The following PIK3C3 variants were observed in gnomAD, a reference collection of about 807,000 sequenced individuals.
PIK3C3 encodes PI3-kinase type 3.
PIK3C3 carries 95 observed loss-of-function variants against 126.1 expected under a neutral mutation model. The observed-to-expected ratio is 0.75, with a 90% confidence interval of 0.64 to 0.89. The LOEUF (loss-of-function observed/expected upper bound fraction) is 0.89, where lower values mean the gene tolerates loss of function less well. PIK3C3 is among the 40% of genes least tolerant of loss of function. PIK3C3 has a pLI of 0.00. For synonymous variants in PIK3C3, 374 were observed against 360.0 expected, an observed-to-expected ratio of 1.04 and a Z score of -0.44; for missense variants, 829 against 1,063.2, an observed-to-expected ratio of 0.78 and a Z score of 3.06.
intron 24 of PIK3C3, among the ~76,000 whole-genome samples, chr18:42,076,151 T>TATGCAC (rs1986005919): frequency 2.9e-5 from 3 of 103,778 alleles, no homozygotes; most frequent in African/African-American, 1.7e-4. Context: ...TATGCGCATA[T>TATGCAC]ATATATATAT....
chr18:41,960,394 T>C (rs953518067), intron 2 of PIK3C3, among the ~76,000 whole-genome samples: 1 of 151,702 alleles, frequency 6.6e-6, no homozygotes, highest in African/African-American at 2.4e-5. Context: ...AAAATGGCTT[T>C]AGAGAGACAT....
chr18:42,034,039 A>G, intron 16 of PIK3C3, 82 bp downstream of exon 16: 1 of 906,880 alleles, frequency 1.1e-6, no homozygotes, highest in Non-Finnish European at 1.6e-6. Context: ...GAAAACTATT[A>G]CATTGCAGAG....
intron 2 of PIK3C3, among the ~76,000 whole-genome samples, chr18:41,959,075 G>A (rs1979943699): frequency 6.6e-6 from 1 of 152,170 alleles, no homozygotes; most frequent in Admixed American, 6.5e-5. Context: ...CCCTGAAGGT[G>A]TATGCAGAAT....
chr18:42,027,361 T>C, intron 13 of PIK3C3, 82 bp from the exon 14 acceptor site: 1 of 677,602 alleles, frequency 1.5e-6, no homozygotes, highest in South Asian at 2.1e-5. Flanking sequence ...AATTAATCTG[T>C]TTTAGTGAAA....
rs115869770 is a variant in PIK3C3, at chr18:42,011,215, G to A, written c.1171-2227G>A. ...GCAGTGGCTTCAACTTAAAGTCACTGCCTACGTTAGACCCTTACCAAGAGA... is the reference window on the plus strand; with the variant it reads ...GCAGTGGCTTCAACTTAAAGTCACTACCTACGTTAGACCCTTACCAAGAGA... On this transcript the variant is annotated intron_variant, in intron 10 of 24. Transcript: ENST00000262039. Among the ~76,000 whole-genome samples the A allele has an allele frequency of 7.0e-3, 1,068 of 152,276 alleles. 13 individuals carry two copies. Among genetic ancestry groups the A allele is most frequent in the African/African-American group, 0.023 (946 of 41,546 alleles).
intron 4 of PIK3C3, among the ~76,000 whole-genome samples, chr18:41,981,590 A>T (rs1981201867): frequency 6.6e-6 from 1 of 152,210 alleles, no homozygotes; most frequent in Admixed American, 6.5e-5. Flanking sequence ...ATGCACACGT[A>T]CATGATTCTT....
At position 42,068,966 on chromosome 18, in the gene PIK3C3, AAAG is replaced by A. The variant is rs1403624047; in HGVS notation, c.2649+1456_2649+1458del. ...CTCCGTCTCAAAAAAAAAAAAAAAAAAAGAAATAGATATTTAGATTCCGTTATA... is the reference window on the plus strand; with the variant it reads ...CTCCGTCTCAAAAAAAAAAAAAAAAAAAATAGATATTTAGATTCCGTTATA... On this transcript the variant is annotated intron_variant, in intron 24 of 24. Coordinates refer to ENST00000262039, the MANE Select transcript of PIK3C3 (RefSeq NM_002647.4). Among the ~76,000 whole-genome samples the A allele has an allele frequency of 2.2e-3, 340 of 151,990 alleles. 2 individuals are homozygous for A. Among genetic ancestry groups the A allele is most frequent in the African/African-American group, 7.9e-3 (327 of 41,438 alleles).
chr18:41,990,366 A>C (rs1598873951), intron 5 of PIK3C3, 93 bp from the exon 6 acceptor site: 2 of 720,452 alleles, frequency 2.8e-6, no homozygotes, highest in East Asian at 2.7e-5. Flanking sequence ...TGATAGATAC[A>C]TGTATTACTG....
intron 1 of PIK3C3, among the ~76,000 whole-genome samples, 161 bp from the exon 2 acceptor site, chr18:41,957,409 A>G (rs1406399759): frequency 1.3e-5 from 2 of 152,214 alleles, no homozygotes; most frequent in Non-Finnish European, 2.9e-5. Flanking sequence ...TATACAGGAA[A>G]ATGTTGTTTA....
At chr18:42,005,278 C>T (rs1034219681) in intron 10 of PIK3C3, among the ~76,000 whole-genome samples, 2 of 152,146 alleles carry the variant, frequency 1.3e-5, no homozygotes, top group Admixed American at 6.5e-5. Flanking sequence ...TGTTGTTGTA[C>T]TAAATACCTT....
chr18:42,050,784 G>T (rs1436528482), intron 21 of PIK3C3: 1 of 152,188 alleles, frequency 6.6e-6, no homozygotes, highest in Non-Finnish European at 1.5e-5. Context: ...GGGGCCTTGT[G>T]GCTTGTCCAG....
At chr18:42,010,637 A>T (rs1982779752) in intron 10 of PIK3C3, among the ~76,000 whole-genome samples, 1 of 152,184 alleles carries the variant, frequency 6.6e-6, no homozygotes, top group Non-Finnish European at 1.5e-5. Context: ...AAGTGCTGGG[A>T]TTACAGGCAC....
Position 42,086,395 on chromosome 18 carries a change from T to TC in PIK3C3, c.*5260dup, listed in dbSNP as rs1986399586. The TC allele has an allele frequency of 6.6e-6, 1 of 152,166 alleles. No individual in the cohort carries two copies. The highest frequency in any genetic ancestry group is 1.5e-5 in the Non-Finnish European group (1 of 68,078). The allele number at this position is 152,166 out of a possible 1,614,324, so 9.4% of individuals were successfully genotyped here. ...TCAGAGACATTTGAACTAGAGCAAC[T>TC]CCATCTTGAGTAGGGACTGGGTATA... is the stretch of plus-strand genomic sequence containing the variant. On this transcript the variant is annotated 3_prime_UTR_variant, in exon 25 of 25. Coordinates refer to ENST00000262039, the MANE Select transcript of PIK3C3 (RefSeq NM_002647.4).
chr18:41,992,765 G>A (rs1423417308), intron 6 of PIK3C3, among the ~76,000 whole-genome samples: 2 of 152,130 alleles, frequency 1.3e-5, no homozygotes, highest in South Asian at 4.1e-4. Context: ...TTCTCTAGCT[G>A]TGTGTAAATT....
chr18:42,034,311 C>T (rs1316432743), intron 16 of PIK3C3, among the ~76,000 whole-genome samples: 1 of 152,158 alleles, frequency 6.6e-6, no homozygotes, highest in Admixed American at 6.5e-5. Context: ...ACCTCAGCCT[C>T]CCAAAGTGTT....
At position 42,057,877 on chromosome 18, in the gene PIK3C3, A is replaced by T; in HGVS notation, c.2264-6A>T. 1.2e-6 allele frequency: 2 copies of T among 1,613,096 alleles called. No homozygotes were observed. Among genetic ancestry groups the T allele is most frequent in the Non-Finnish European group, 1.7e-6 (2 of 1,179,492 alleles). ...GGAAACAAATGAGTTTCTTGTCAACATCCAGGCAAACTCTTCCACATAGAC... is the reference window on the plus strand; with the variant it reads ...GGAAACAAATGAGTTTCTTGTCAACTTCCAGGCAAACTCTTCCACATAGAC... On this transcript the variant is annotated splice_region_variant and splice_polypyrimidine_tract_variant and intron_variant, in intron 21 of 24. Coordinates refer to ENST00000262039, the MANE Select transcript of PIK3C3 (RefSeq NM_002647.4).
chr18:42,026,481 A>G (rs1983575733), intron 13 of PIK3C3: 1 of 151,196 alleles, frequency 6.6e-6, no homozygotes, highest in South Asian at 2.1e-4. Flanking sequence ...TCTTTGAGAG[A>G]TATCATCTCC....
At chr18:42,012,611 A>C (rs1274533143) in intron 10 of PIK3C3, among the ~76,000 whole-genome samples, 1 of 152,208 alleles carries the variant, frequency 6.6e-6, no homozygotes, top group Non-Finnish European at 1.5e-5. Context: ...GAAGAGGACA[A>C]GTATGTCAAG....
chr18:42,013,180 C>T (rs904350088), intron 10 of PIK3C3, among the ~76,000 whole-genome samples: 5 of 150,178 alleles, frequency 3.3e-5, no homozygotes, highest in Admixed American at 1.3e-4. Context: ...TAGTCTGTGC[C>T]GGACACTATA....
Sources: gnomAD v4.1 joint callset for allele counts (sites outside exome capture counted in the v4.1 genomes callset) on GRCh38, gnomAD v4.1.1 for gene constraint, MANE v1.5 for transcripts, NCBI Gene and HGNC (gene_info 2026-07-23, HGNC 2026-07-21) for gene names.